PDE10A: variants seen among roughly 807,000 people sequenced by gnomAD.
PDE10A encodes the protein cAMP and cAMP-inhibited cGMP 3',5'-cyclic phosphodiesterase 10A.
PDE10A carries 39 observed loss-of-function variants against 97.7 expected under a neutral mutation model. The observed-to-expected ratio is 0.40, with a 90% CI of 0.31 to 0.52. The LOEUF is 0.52. Among genes scored for constraint, PDE10A ranks in the 20% least tolerant of loss-of-function variants. The pLI, the probability that PDE10A is intolerant of heterozygous loss-of-function variation, is 0.56. For missense variants in PDE10A, 731 were observed against 1,047.8 expected (o/e 0.70, Z 4.17); for synonymous variants, 371 against 376.8 (o/e 0.98, Z 0.18).
chr6:165,487,796 C>T (rs895438443), intron 2 of PDE10A, among the ~76,000 whole-genome samples: 24 of 152,240 alleles, frequency 1.6e-4, no homozygotes, highest in African/African-American at 5.8e-4. Flanking sequence ...CCCACTGATG[C>T]AGTTCATGAT....
chr6:165,437,338 C>A (rs372334225), intron 5 of PDE10A, among the ~76,000 whole-genome samples: 43 of 152,116 alleles, frequency 2.8e-4, no homozygotes, highest in African/African-American at 9.9e-4. Context: ...CTATCTTATA[C>A]ATTCCTACAT....
chr6:165,541,605 C>T (rs1163840370), intron 2 of PDE10A, among the ~76,000 whole-genome samples: 1 of 152,168 alleles, frequency 6.6e-6, no homozygotes, highest in East Asian at 1.9e-4. Context: ...CATTATATAG[C>T]AAGCTGAAAT....
Position 165,592,712 on chromosome 6 carries a change from TC to T in PDE10A, c.866-49145del, listed in dbSNP as rs547875760. Reference sequence around the variant, plus strand: ...ATATGAAAAAAAAGCCCAGCATCACTCGTCATTAGAGAAATGCAAATCAAAA... The same window carrying T: ...ATATGAAAAAAAAGCCCAGCATCACTGTCATTAGAGAAATGCAAATCAAAA... On this transcript the variant is annotated intron_variant, in intron 1 of 21. Transcript: ENST00000539869. Among the ~76,000 whole-genome samples the T allele has an allele frequency of 1.4e-4, 21 of 152,210 alleles. No homozygotes were observed. In the South Asian group the frequency reaches 3.7e-3, roughly 27 times the overall value.
At chr6:165,837,685 T>TTG (rs1562761254) in intron 1 of PDE10A, among the ~76,000 whole-genome samples, 12 of 86,562 alleles carry the variant, frequency 1.4e-4, no homozygotes, top group Admixed American at 2.3e-4. Context: ...TTTTTTTTTT[T>TTG]GGGGCAGGAG....
chr6:165,467,369 A>G (rs557239691), intron 3 of PDE10A, among the ~76,000 whole-genome samples: 2 of 152,342 alleles, frequency 1.3e-5, no homozygotes, highest in South Asian at 2.1e-4. Flanking sequence ...TAGGACCCTT[A>G]TAACTGGAGG....
intron 18 of PDE10A, among the ~76,000 whole-genome samples, chr6:165,345,028 C>CT (rs1308367533): frequency 2.6e-5 from 4 of 151,752 alleles, no homozygotes; most frequent in East Asian, 1.9e-4. Context: ...AATATATGAC[C>CT]TTTTTTTTCA....
At chr6:165,943,180 A>T in intron 1 of PDE10A, among the ~76,000 whole-genome samples, 1 of 46,268 alleles carries the variant, frequency 2.2e-5, no homozygotes, top group African/African-American at 1.4e-4. Flanking sequence ...AAGAAAAAAG[A>T]AAGAAAGAAA....
intron 1 of PDE10A, among the ~76,000 whole-genome samples, chr6:165,809,387 G>T (rs752279827): frequency 1.3e-5 from 2 of 152,122 alleles, no homozygotes; most frequent in African/African-American, 4.8e-5. Flanking sequence ...TGGAAGCAAG[G>T]CTCTTCCTTG....
At chr6:165,631,933 G>A (rs1052013394) in intron 1 of PDE10A, among the ~76,000 whole-genome samples, 20 of 152,138 alleles carry the variant, frequency 1.3e-4, no homozygotes, top group Non-Finnish European at 2.6e-4. Context: ...AGGCATGGTG[G>A]CTCATGCCTG....
In PDE10A at chr6:165,439,729, C is replaced by T. The variant is rs7756034; in HGVS notation, c.1195-4352G>A. Among the ~76,000 whole-genome samples the T allele has an allele frequency of 3.2e-3, 485 of 152,096 alleles. 1 individual carries two copies. The highest frequency in any genetic ancestry group is 0.011 in the African/African-American group (466 of 41,484). On this transcript the variant is annotated intron_variant, in intron 5 of 21. Transcript: ENST00000539869. Reference sequence around the variant, plus strand: ...ATAATTTAAACTAGAAAAGATTGGGCGCACAAGTCATAATCAATAGGTTGG... The same window carrying T: ...ATAATTTAAACTAGAAAAGATTGGGTGCACAAGTCATAATCAATAGGTTGG...
intron 1 of PDE10A, among the ~76,000 whole-genome samples, chr6:165,740,520 A>T (rs1028536103): frequency 1.3e-5 from 2 of 152,136 alleles, no homozygotes; most frequent in African/African-American, 2.4e-5. Context: ...TTTTTAGTAC[A>T]GACGGGTTTT....
chr6:165,959,696 G>A (rs1011773073), intron 1 of PDE10A, among the ~76,000 whole-genome samples: 1 of 152,106 alleles, frequency 6.6e-6, no homozygotes, highest in Non-Finnish European at 1.5e-5. Flanking sequence ...GACCCCCAGG[G>A]GAGGCTCTTC....
At chr6:165,619,071 AGTGTAGTC>A (rs1317798442) in intron 1 of PDE10A, among the ~76,000 whole-genome samples, 22 of 104,826 alleles carry the variant, frequency 2.1e-4, no homozygotes, top group African/African-American at 1.1e-3. Flanking sequence ...AGTGTAGTGT[AGTGTAGTC>A]TAGTGTAGTC....
chr6:165,758,557 G>C (rs967066958), intron 1 of PDE10A, among the ~76,000 whole-genome samples: 1 of 143,184 alleles, frequency 7.0e-6, no homozygotes, highest in East Asian at 2.0e-4. Flanking sequence ...AAGAAGAAGA[G>C]GAAGAGGAAG....
intron 3 of PDE10A, among the ~76,000 whole-genome samples, chr6:165,459,155 C>T (rs11757576): frequency 0.097 from 14,765 of 152,114 alleles, 879 homozygotes; most frequent in Middle Eastern, 0.19. Context: ...AGCCATAATC[C>T]GAAGAAGAGT....
chr6:165,466,734 C>T (rs2128265590), intron 3 of PDE10A, among the ~76,000 whole-genome samples: 1 of 152,256 alleles, frequency 6.6e-6, no homozygotes, highest in Middle Eastern at 3.4e-3. Context: ...CTCCCTAATC[C>T]TGAGACAAAA....
At chr6:165,744,911 C>G (rs1191678616) in intron 1 of PDE10A, among the ~76,000 whole-genome samples, 1 of 151,488 alleles carries the variant, frequency 6.6e-6, no homozygotes, top group Admixed American at 6.6e-5. Flanking sequence ...AGTGAGATTC[C>G]TGGCCTAAAG....
chr6:165,546,104 A>C (rs543255325), intron 1 of PDE10A, among the ~76,000 whole-genome samples: 7 of 152,114 alleles, frequency 4.6e-5, no homozygotes, highest in Non-Finnish European at 7.4e-5. Flanking sequence ...CTAACAAGCC[A>C]TGAAGTAACA....
At chr6:165,937,899 C>A (rs945623030) in intron 1 of PDE10A, among the ~76,000 whole-genome samples, 1 of 152,138 alleles carries the variant, frequency 6.6e-6, no homozygotes, top group African/African-American at 2.4e-5. Context: ...CCTGTCAAAG[C>A]CTAAATTCAG....
Sources: gnomAD v4.1 joint callset for allele counts (sites outside exome capture counted in the v4.1 genomes callset) on GRCh38, gnomAD v4.1.1 for gene constraint, MANE v1.5 for transcripts, NCBI Gene and HGNC (gene_info 2026-07-23, HGNC 2026-07-21) for gene names.